Variants in MIPEP observed in about 807,000 individuals in gnomAD.
The protein encoded by MIPEP is mitochondrial intermediate peptidase.
Under a neutral mutation model 90.3 loss-of-function variants are expected in MIPEP, and 79 were observed. The ratio of observed to expected loss-of-function variants is 0.87; its 90% confidence interval spans 0.73 to 1.05. The LOEUF (loss-of-function observed/expected upper bound fraction) is 1.05, where lower values mean the gene tolerates loss of function less well. Among genes scored for constraint, MIPEP ranks in the 50% least tolerant of loss-of-function variants. MIPEP has a pLI of 0.00. For synonymous variants in MIPEP, 334 were observed against 315.8 expected, an observed-to-expected ratio of 1.06 and a Z score of -0.61; for missense variants, 940 against 905.6, an observed-to-expected ratio of 1.04 and a Z score of -0.49.
At chr13:23,744,377 GA>G (rs963679141) in intron 18 of MIPEP, among the ~76,000 whole-genome samples, 5 of 151,682 alleles carry the variant, frequency 3.3e-5, no homozygotes, top group African/African-American at 9.7e-5. Flanking sequence ...AAGAGCAAGG[GA>G]AAAAAAATAC....
Position 23,837,722 on chromosome 13 carries a change from T to C in MIPEP, c.1373A>G (p.Lys458Arg), listed in dbSNP as rs759667641. The C allele has an allele frequency of 1.5e-5, 24 of 1,613,934 alleles. No homozygotes were observed. The East Asian group carries it at 4.0e-4, about 27-fold the overall frequency. ...TGGGAGTTGATAGTCTCCATCTTCC[T>C]TTAGTCTGCCTCCACGGATAGTGAA... ...CHFTIRGGRL[K>R]EDGDYQLPVV... is the part of the protein sequence containing the mutation. The change falls in exon 13 of 19, where the codon AAG (lysine) becomes AGG (arginine). Residue 458 changes from lysine (K) to arginine (R), a missense_variant. By Grantham distance (26) the Lys-to-Arg change is conservative (BLOSUM62 2). Transcript: ENST00000382172.
intron 18 of MIPEP, among the ~76,000 whole-genome samples, chr13:23,753,232 A>AT (rs1555231226): frequency 6.6e-5 from 10 of 151,242 alleles, no homozygotes; most frequent in African/African-American, 2.4e-4. Flanking sequence ...TCAAAAAAAA[A>AT]AAAAAAAATA....
At chr13:23,803,528 A>G (rs7336622) in intron 16 of MIPEP, among the ~76,000 whole-genome samples, 2 of 152,230 alleles carry the variant, frequency 1.3e-5, no homozygotes, top group African/African-American at 4.8e-5. Flanking sequence ...TATAGAGATC[A>G]ATCACTACAA....
At chr13:23,854,058 G>A (rs1193560738) in intron 10 of MIPEP, among the ~76,000 whole-genome samples, 1 of 150,686 alleles carries the variant, frequency 6.6e-6, no homozygotes, top group Non-Finnish European at 1.5e-5. Context: ...AGGCGCGGTG[G>A]CTCACGCCTG....
chr13:23,880,946 GGGCTCTC>G (rs1231012461), intron 3 of MIPEP, among the ~76,000 whole-genome samples: 2 of 152,158 alleles, frequency 1.3e-5, no homozygotes, highest in African/African-American at 4.8e-5. Context: ...GGCGAGCCCA[GGGCTCTC>G]CCTAGCTCTA....
chr13:23,868,885 G>A (rs952542967), intron 7 of MIPEP, among the ~76,000 whole-genome samples: 1 of 152,118 alleles, frequency 6.6e-6, no homozygotes, highest in African/African-American at 2.4e-5. Flanking sequence ...CTCTGAAAAG[G>A]AGGCTTATCT....
rs543610630 is a variant in MIPEP at position 23,731,736 on chromosome 13, A to C, written c.2045-1291T>G. On this transcript the variant is annotated intron_variant, in intron 18 of 18. Coordinates refer to ENST00000382172, the MANE Select transcript of MIPEP (RefSeq NM_005932.4). ...ACTCACAAAACATATCTCACGTAAG[A>C]CTGGTATCCAGAAAATATAAAGAAC... 3.3e-5 allele frequency among the ~76,000 whole-genome samples: 5 copies of C among 152,306 alleles called. No homozygotes were observed. The East Asian group carries it at 9.6e-4, about 29-fold the overall frequency.
intron 16 of MIPEP, 44 bp downstream of exon 16, chr13:23,805,906 A>T: frequency 6.3e-7 from 1 of 1,598,088 alleles, no homozygotes; most frequent in Non-Finnish European, 8.6e-7. Flanking sequence ...AAGTAATAGC[A>T]GAACCACTCA....
Position 23,777,653 on chromosome 13 carries a change from T to C in MIPEP, c.1849-17436A>G, listed in dbSNP as rs535391604. 3.3e-4 allele frequency among the ~76,000 whole-genome samples: 50 copies of C among 152,310 alleles called. No homozygotes were observed. In the South Asian group the frequency reaches 8.1e-3, roughly 25 times the overall value. ...TATTAAAAAATAAGATTAGAGTGTT[T>C]TGTGAATTCCAAGGATTAGTCCAAT... On this transcript the variant is annotated intron_variant, in intron 16 of 18. Transcript: ENST00000382172.
At chr13:23,887,432 G>A (rs897952571) in intron 1 of MIPEP, among the ~76,000 whole-genome samples, 6 of 152,188 alleles carry the variant, frequency 3.9e-5, no homozygotes, top group African/African-American at 1.4e-4. Context: ...CATGCTTTAA[G>A]ACGTTAGAAA....
chr13:23,881,881 T>C, intron 2 of MIPEP, 94 bp from the exon 3 acceptor site: 1 of 937,152 alleles, frequency 1.1e-6, no homozygotes, highest in Non-Finnish European at 1.7e-6. Flanking sequence ...TTTTAAGATG[T>C]GCCATTGGCT....
intron 6 of MIPEP, 33 bp from the exon 7 acceptor site, chr13:23,869,481 A>G: frequency 6.4e-7 from 1 of 1,571,488 alleles, no homozygotes; most frequent in Non-Finnish European, 8.6e-7. Context: ...GAAGGCTATA[A>G]ATATCATCAC....
chr13:23,779,643 C>G (rs1033859049), intron 16 of MIPEP, among the ~76,000 whole-genome samples: 1 of 151,938 alleles, frequency 6.6e-6, no homozygotes, highest in African/African-American at 2.4e-5. Flanking sequence ...CGAGTGTGAG[C>G]CAAAGCAGGG....
At chr13:23,845,780 G>A (rs1394240511) in intron 10 of MIPEP, among the ~76,000 whole-genome samples, 2 of 152,112 alleles carry the variant, frequency 1.3e-5, no homozygotes, top group Non-Finnish European at 2.9e-5. Context: ...ATGTAATTCT[G>A]TTACGTTTCT....
At position 23,760,232 on chromosome 13, in the gene MIPEP, G is replaced by C. The variant is rs1233270297; in HGVS notation, c.1849-15C>G. 2 of 1,613,844 alleles carry C rather than the reference G, an allele frequency of 1.2e-6. No individual in the cohort carries two copies. The highest frequency in any genetic ancestry group is 1.7e-6 in the Non-Finnish European group (2 of 1,179,892). On this transcript the variant is annotated splice_polypyrimidine_tract_variant and intron_variant, in intron 16 of 18. Coordinates refer to ENST00000382172, the MANE Select transcript of MIPEP (RefSeq NM_005932.4). ...AGCTGCCAGGCCTGCCAAGAACAGA[G>C]AGACACAGCACGGGACACAAGTCAG...
At chr13:23,799,000 G>GTTTTTTTTTTTTTTTTT (rs765292524) in intron 16 of MIPEP, among the ~76,000 whole-genome samples, 1 of 88,902 alleles carries the variant, frequency 1.1e-5, no homozygotes, top group Non-Finnish European at 2.0e-5. Context: ...AATTTTTTTG[G>GTTTTTTTTTTTTTTTTT]TTTTTTTTTT....
In MIPEP at chr13:23,869,395, T is replaced by C. The variant is rs773535685; in HGVS notation, c.840A>G (p.Lys280=). 76 of 1,612,940 alleles carry C rather than the reference T, an allele frequency of 4.7e-5. No homozygotes were observed. The highest frequency in any genetic ancestry group is 6.0e-5 in the Non-Finnish European group (71 of 1,179,792). Residue 280 remains lysine (K), a synonymous_variant, in exon 7 of 19, where the codon AAA becomes AAG. Coordinates refer to ENST00000382172, the MANE Select transcript of MIPEP (RefSeq NM_005932.4). ...TGCTGCTGAGCAATTCTTCTAAACA[T>C]TTCAATTGACCAGCATTGGGATAAA... The part of the protein sequence containing the change: ...IFLYPNAGQL[K]CLEELLSSRD...
rs572700908 is a variant in MIPEP, at chr13:23,841,300, T to C, written c.1260+35A>G. On this transcript the variant is annotated intron_variant, in intron 11 of 18. Transcript: ENST00000382172. ...CTCAACTGCCCAACCGAAAGGTAAATGCCTGCAACTGCAGGCTGAGCAGGA... is the reference window on the plus strand; with the variant it reads ...CTCAACTGCCCAACCGAAAGGTAAACGCCTGCAACTGCAGGCTGAGCAGGA... The C allele has an allele frequency of 8.2e-5, 130 of 1,579,104 alleles. 1 individual carries two copies. The South Asian group carries it at 1.5e-3, about 18-fold the overall frequency.
At chr13:23,757,005 G>A (rs927581159) in intron 17 of MIPEP, among the ~76,000 whole-genome samples, 3 of 152,150 alleles carry the variant, frequency 2.0e-5, no homozygotes, top group African/African-American at 7.2e-5. Flanking sequence ...ATGGTTTCAG[G>A]ATGATTCAAG....
Sources: allele counts gnomAD v4.1 joint callset (sites outside exome capture counted in the v4.1 genomes callset), GRCh38; gene constraint gnomAD v4.1.1; transcripts MANE v1.5; gene names NCBI Gene and HGNC (gene_info 2026-07-23, HGNC 2026-07-21).